IMPA1: variants seen among roughly 807,000 people sequenced by gnomAD.
IMPA1 encodes the protein inositol monophosphatase 1, also known as D-galactose 1-phosphate phosphatase.
IMPA1 carries 21 observed loss-of-function variants against 34.9 expected under a neutral mutation model. The observed-to-expected ratio is 0.60, with a 90% CI of 0.43 to 0.87. The LOEUF (loss-of-function observed/expected upper bound fraction) is 0.87. IMPA1 is among the 40% of genes least tolerant of loss of function. IMPA1 has a pLI of 0.00. For missense variants in IMPA1, 299 were observed against 336.4 expected (o/e 0.89, Z 0.87); for synonymous variants, 95 against 104.4 (o/e 0.91, Z 0.55).
chr8:81,666,851 CAGAGGGAGACTCTGTCTCAAAAAAA>C (rs1219378245), intron 7 of IMPA1, among the ~76,000 whole-genome samples: 1 of 106,204 alleles, frequency 9.4e-6, no homozygotes, highest in Non-Finnish European at 1.7e-5. Flanking sequence ...GCCTGGGTGA[CAGAGGGAGACTCTGTCTCAAAAAAA>C]AAAAAAAAAA....
At chr8:81,673,529 A>C (rs1253018921) in intron 6 of IMPA1, among the ~76,000 whole-genome samples, 1 of 152,122 alleles carries the variant, frequency 6.6e-6, no homozygotes, top group Non-Finnish European at 1.5e-5. Flanking sequence ...TAACTCCTTA[A>C]CTTCGGCAAA....
rs142170618 is a variant in IMPA1, at chr8:81,661,304, CAG to C, written c.567-639_567-638del. Reference sequence around the variant, plus strand: ...ATTAATGGGTGAGTCTGATAATTTACAGAGTGTCAAAGTGTCTCTCCACAAGA... The same window carrying C: ...ATTAATGGGTGAGTCTGATAATTTACAGTGTCAAAGTGTCTCTCCACAAGA... On this transcript the variant is annotated intron_variant, in intron 7 of 8. Transcript: ENST00000256108. Among the ~76,000 whole-genome samples, 166 of 152,296 alleles carry C rather than the reference CAG, an allele frequency of 1.1e-3. 1 individual carries two copies. In the East Asian group the frequency reaches 0.029, roughly 27 times the overall value.
Position 81,659,057 on chromosome 8 carries a change from A to T in IMPA1, c.*294T>A. The T allele has an allele frequency of 2.8e-6, 1 of 362,848 alleles. No individual in the cohort carries two copies. Among genetic ancestry groups the T allele is most frequent in the African/African-American group, 2.2e-5 (1 of 46,406 alleles). 22.5% of individuals were successfully genotyped at this position (362,848 alleles called of 1,614,324 possible). A position where few individuals can be genotyped will look rare whatever the true frequency, so the allele number is the denominator to read the frequency against. On this transcript the variant is annotated 3_prime_UTR_variant, in exon 9 of 9. Transcript: ENST00000256108. Reference sequence around the variant, plus strand: ...AAATTTCAGGGGACCATAGATATTTAGAAACACAAAATTGCTAATTGACTA... The same window carrying T: ...AAATTTCAGGGGACCATAGATATTTTGAAACACAAAATTGCTAATTGACTA...
Position 81,676,783 on chromosome 8 carries a change from G to A in IMPA1, c.303-504C>T, listed in dbSNP as rs546082522. Among the ~76,000 whole-genome samples, 52 of 152,218 alleles carry A rather than the reference G, an allele frequency of 3.4e-4. No individual in the cohort carries two copies. The Middle Eastern group carries it at 0.01, about 30-fold the overall frequency. ...GAAGATCACTTGGGCCCAGGAGTTC[G>A]AGACCAGCCTGGCTGGGCAACATGG... On this transcript the variant is annotated intron_variant, in intron 4 of 8. Transcript: ENST00000256108.
chr8:81,670,801 G>A, intron 7 of IMPA1, 138 bp downstream of exon 7: 1 of 527,514 alleles, frequency 1.9e-6, no homozygotes, highest in African/African-American at 2.0e-5. Context: ...TGGTTTCATG[G>A]TTATGGAACA....
chr8:81,668,364 C>T lies in IMPA1; in HGVS notation c.566+2575G>A, dbSNP rs1182749808. Among the ~76,000 whole-genome samples the T allele has an allele frequency of 2.6e-5, 4 of 152,162 alleles. No homozygotes were observed. In the East Asian group the frequency reaches 7.7e-4, roughly 29 times the overall value. On this transcript the variant is annotated intron_variant, in intron 7 of 8. Coordinates refer to ENST00000256108, the MANE Select transcript of IMPA1 (RefSeq NM_005536.4). ...TTTTGGGAAGCCAACTTGGGCAGATCGCTTGAGCCCAGGAGTTGGAGATCA... is the reference window on the plus strand; with the variant it reads ...TTTTGGGAAGCCAACTTGGGCAGATTGCTTGAGCCCAGGAGTTGGAGATCA...
At position 81,674,584 on chromosome 8, in the gene IMPA1, C is replaced by T. The variant is rs80277901; in HGVS notation, c.349-635G>A. The T allele has an allele frequency of 5.4e-3, 1,713 of 319,202 alleles. 28 individuals are homozygous for T. The highest frequency in any genetic ancestry group is 0.034 in the African/African-American group (1,560 of 45,286). The allele number at this position is 319,202 out of a possible 1,614,324, so 19.8% of individuals were successfully genotyped here. A position where few individuals can be genotyped will look rare whatever the true frequency, so the allele number is the denominator to read the frequency against. On this transcript the variant is annotated intron_variant, in intron 5 of 8. Coordinates refer to ENST00000256108, the MANE Select transcript of IMPA1 (RefSeq NM_005536.4). ...ACTTATTCAATACTTAATTCACTAC[C>T]TCCATGCTCCCACCATTATTCTCTT...
chr8:81,663,289 T>C (rs1806729333), intron 7 of IMPA1, among the ~76,000 whole-genome samples: 1 of 152,256 alleles, frequency 6.6e-6, no homozygotes, highest in Non-Finnish European at 1.5e-5. Context: ...TGCCCTTCTC[T>C]CAAGGGCATC....
rs1172392102 is a variant in IMPA1, at chr8:81,664,321, T to C, written c.567-3654A>G. Among the ~76,000 whole-genome samples the C allele has an allele frequency of 2.0e-5, 3 of 152,012 alleles. No individual in the cohort carries two copies. The East Asian group carries it at 5.8e-4, about 29-fold the overall frequency. ...AACCCATAGGACCCATTCTTTCAGA[T>C]AGAAATCAGGAAATGCAAACTCTCA... On this transcript the variant is annotated intron_variant, in intron 7 of 8. Coordinates refer to ENST00000256108, the MANE Select transcript of IMPA1 (RefSeq NM_005536.4).
At chr8:81,660,137 A>G (rs1806623646) in intron 8 of IMPA1, among the ~76,000 whole-genome samples, 1 of 152,190 alleles carries the variant, frequency 6.6e-6, no homozygotes. Flanking sequence ...AAATTTTTTT[A>G]ATCGCAAAAA....
At chr8:81,674,064 T>C (rs914919028) in intron 5 of IMPA1, 115 bp from the exon 6 acceptor site, 1 of 642,638 alleles carries the variant, frequency 1.6e-6, no homozygotes, top group Non-Finnish European at 2.8e-6. Context: ...CTGAAATGGC[T>C]AAACTGTGGG....
At chr8:81,671,207 T>C (rs998652979) in intron 6 of IMPA1, among the ~76,000 whole-genome samples, 160 bp from the exon 7 acceptor site, 7 of 152,212 alleles carry the variant, frequency 4.6e-5, no homozygotes, top group African/African-American at 1.7e-4. Context: ...CCCTATGTGA[T>C]CCTTTTTATA....
chr8:81,684,292 T>C (rs1376075390), intron 1 of IMPA1, among the ~76,000 whole-genome samples: 1 of 144,700 alleles, frequency 6.9e-6, no homozygotes, highest in Non-Finnish European at 1.5e-5. Flanking sequence ...TATATTTAGA[T>C]ACTATATATA....
Position 81,658,565 on chromosome 8 carries a change from A to C in IMPA1, c.*786T>G, listed in dbSNP as rs1339026362. The C allele has an allele frequency of 6.6e-6, 1 of 152,602 alleles. No homozygotes were observed. The highest frequency in any genetic ancestry group is 1.5e-5 in the Non-Finnish European group (1 of 68,002). 9.5% of individuals were successfully genotyped at this position (152,602 alleles called of 1,614,324 possible). A position where few individuals can be genotyped will look rare whatever the true frequency, so the allele number is the denominator to read the frequency against. ...AATAGTTTCTTCTCTCTTACACAAGACTTTAAAGCAAATCCAAACAGACAA... is the reference window on the plus strand; with the variant it reads ...AATAGTTTCTTCTCTCTTACACAAGCCTTTAAAGCAAATCCAAACAGACAA... On this transcript the variant is annotated 3_prime_UTR_variant, in exon 9 of 9. Coordinates refer to ENST00000256108, the MANE Select transcript of IMPA1 (RefSeq NM_005536.4).
chr8:81,676,297 G>A lies in IMPA1; in HGVS notation c.303-18C>T, dbSNP rs1475588011. ...AAGGAAATCTTTTTTTAAAAAAAAGGACAAAATACAAATTAACCAACATAG... is the reference window on the plus strand; with the variant it reads ...AAGGAAATCTTTTTTTAAAAAAAAGAACAAAATACAAATTAACCAACATAG... On this transcript the variant is annotated intron_variant, in intron 4 of 8. Coordinates refer to ENST00000256108, the MANE Select transcript of IMPA1 (RefSeq NM_005536.4). 4 of 1,207,042 alleles carry A rather than the reference G, an allele frequency of 3.3e-6. No individual in the cohort carries two copies. Among genetic ancestry groups the A allele is most frequent in the African/African-American group, 3.1e-5 (2 of 64,168 alleles). The allele number at this position is 1,207,042 out of a possible 1,614,324, so 74.8% of individuals were successfully genotyped here.
At chr8:81,681,990 G>C (rs1807313998) in intron 1 of IMPA1, among the ~76,000 whole-genome samples, 1 of 152,040 alleles carries the variant, frequency 6.6e-6, no homozygotes, top group African/African-American at 2.4e-5. Flanking sequence ...GCAGCAAAAG[G>C]TACTTGAAAA....
At position 81,670,719 on chromosome 8, in the gene IMPA1, G is replaced by A. The variant is rs143458027; in HGVS notation, c.566+220C>T. On this transcript the variant is annotated intron_variant, in intron 7 of 8. Coordinates refer to ENST00000256108, the MANE Select transcript of IMPA1 (RefSeq NM_005536.4). ...TTATTGGAAGGCAAATGCTATAAAG[G>A]ACATTAGCAGATTAACTGACAAAAC... Among the ~76,000 whole-genome samples, 11 of 152,268 alleles carry A rather than the reference G, an allele frequency of 7.2e-5. No individual in the cohort carries two copies. In the East Asian group the frequency reaches 1.7e-3, roughly 24 times the overall value.
chr8:81,661,287 G>A, intron 7 of IMPA1, among the ~76,000 whole-genome samples: 1 of 152,180 alleles, frequency 6.6e-6, no homozygotes, highest in Admixed American at 6.5e-5. Context: ...AAATTAATGG[G>A]TGAGTCTGAT....
rs532747735 is a variant in IMPA1 at position 81,664,418 on chromosome 8, A to G, written c.567-3751T>C. ...GCACCGGAAGCCCGTAGATACACAG[A>G]GTAGGGCAGAGAAGGCAGAAAAGAC... On this transcript the variant is annotated intron_variant, in intron 7 of 8. Coordinates refer to ENST00000256108, the MANE Select transcript of IMPA1 (RefSeq NM_005536.4). Among the ~76,000 whole-genome samples the G allele has an allele frequency of 2.0e-5, 3 of 152,328 alleles. No individual in the cohort carries two copies. The South Asian group carries it at 6.2e-4, about 32-fold the overall frequency.
Sources: gnomAD v4.1 joint callset for allele counts (sites outside exome capture counted in the v4.1 genomes callset) on GRCh38, gnomAD v4.1.1 for gene constraint, MANE v1.5 for transcripts, NCBI Gene and HGNC (gene_info 2026-07-23, HGNC 2026-07-21) for gene names.